The following LEFTY1 variants were observed in gnomAD, a reference collection of about 807,000 sequenced individuals.
LEFTY1 encodes left-right determination factor B.
Under a neutral mutation model 22.6 loss-of-function variants are expected in LEFTY1, and 18 were observed. That is an observed-to-expected ratio of 0.80 (90% CI 0.55 to 1.18). LEFTY1 has a LOEUF of 1.18. Among genes scored for constraint, LEFTY1 ranks in the 50% most tolerant of loss-of-function variants. LEFTY1 has a pLI of 0.00. For synonymous variants in LEFTY1, 201 were observed against 231.5 expected (o/e 0.87, Z 1.20); for missense variants, 414 against 495.4 (o/e 0.84, Z 1.56).
chr1:225,886,486 A>G lies in LEFTY1; in HGVS notation c.*241T>C. ...ATCTCCACATGTAAGTGCTTAGAATATAGTGCAGTGAATAATAAGAATAGA... is the reference window on the plus strand; with the variant it reads ...ATCTCCACATGTAAGTGCTTAGAATGTAGTGCAGTGAATAATAAGAATAGA... On this transcript the variant is annotated 3_prime_UTR_variant, in exon 4 of 4. Coordinates refer to ENST00000272134, the MANE Select transcript of LEFTY1 (RefSeq NM_020997.4). 1 of 678,578 alleles carries G rather than the reference A, an allele frequency of 1.5e-6. No homozygotes were observed. Among genetic ancestry groups the G allele is most frequent in the Non-Finnish European group, 2.4e-6 (1 of 417,960 alleles). The allele number at this position is 678,578 out of a possible 1,614,324, so 42.0% of individuals were successfully genotyped here.
rs1384533130 is a variant in LEFTY1 at position 225,887,927 on chromosome 1, C to T, written c.356G>A (p.Arg119Gln). ...PNSELVQAVL[R>Q]LFQEPVPKAA... ...CTTGGGGACCGGCTCCTGGAAGAGCCGCAGCACGGCCTGCACCAGCTCGCT... is the reference window on the plus strand; with the variant it reads ...CTTGGGGACCGGCTCCTGGAAGAGCTGCAGCACGGCCTGCACCAGCTCGCT... Residue 119 changes from arginine to glutamine, a missense_variant, in exon 2 of 4, where the codon CGG (arginine) becomes CAG (glutamine). Coordinates refer to ENST00000272134, the MANE Select transcript of LEFTY1 (RefSeq NM_020997.4). 6.1e-5 allele frequency: 94 copies of T among 1,547,748 alleles called. No homozygotes were observed. Among genetic ancestry groups the T allele is most frequent in the Non-Finnish European group, 8.0e-5 (93 of 1,155,810 alleles).
chr1:225,889,085 C>G lies in LEFTY1; in HGVS notation c.-19G>C, dbSNP rs767830531. 2 of 1,451,304 alleles carry G rather than the reference C, an allele frequency of 1.4e-6. No homozygotes were observed. Among genetic ancestry groups the G allele is most frequent in the African/African-American group, 2.8e-5 (2 of 70,408 alleles). The allele number at this position is 1,451,304 out of a possible 1,614,324, so 89.9% of individuals were successfully genotyped here. A position where few individuals can be genotyped will look rare whatever the true frequency, so the allele number is the denominator to read the frequency against. ...GCTGCATGGTGCTGCCCTGGAGGAG[C>G]AAGAGGCAGAGTGGGGCTGTCCCTT... On this transcript the variant is annotated 5_prime_UTR_variant, in exon 1 of 4. Transcript: ENST00000272134.
At chr1:225,888,055 C>T in intron 1 of LEFTY1, 23 bp from the exon 2 acceptor site, 1 of 1,589,980 alleles carries the variant, frequency 6.3e-7, no homozygotes, top group Non-Finnish European at 8.5e-7. Flanking sequence ...GCAGGGTCAG[C>T]AGGGCCTCCC....
At chr1:225,887,154 G>A (rs1478167319) in intron 3 of LEFTY1, 64 bp from the exon 4 acceptor site, 3 of 1,531,956 alleles carry the variant, frequency 2.0e-6, no homozygotes, top group African/African-American at 1.4e-5. Flanking sequence ...AGGGCGTCTG[G>A]GATGGAGATT....
chr1:225,887,736 C>T (rs533184951), intron 2 of LEFTY1, 50 bp downstream of exon 2: 1 of 1,570,696 alleles, frequency 6.4e-7, no homozygotes, highest in Non-Finnish European at 8.6e-7. Context: ...GCCCCCAAGC[C>T]GGGCCTAGCA....
chr1:225,887,305 A>G, intron 3 of LEFTY1, 94 bp downstream of exon 3: 1 of 1,580,638 alleles, frequency 6.3e-7, no homozygotes, highest in Non-Finnish European at 8.6e-7. Flanking sequence ...TGTCTCATTC[A>G]TTCCCACAGC....
Position 225,887,476 on chromosome 1 carries a change from G to A in LEFTY1, c.660C>T (p.Arg220=), listed in dbSNP as rs1671305082. 1 of 1,612,394 alleles carries A rather than the reference G, an allele frequency of 6.2e-7. No individual in the cohort carries two copies. The highest frequency in any genetic ancestry group is 1.3e-5 in the African/African-American group (1 of 74,932). ...CGGCTGGCGCCCCCTGCGAGGCAAA[G>A]CGGACCAGCTTGTGGGCGCCGGACG... ...PLASGAHKLV[R]FASQGAPAGL... Residue 220 remains arginine (R), a synonymous_variant, in exon 3 of 4, where the codon CGC becomes CGT. Coordinates refer to ENST00000272134, the MANE Select transcript of LEFTY1 (RefSeq NM_020997.4).
Position 225,889,118 on chromosome 1 carries a change from C to A in LEFTY1, c.-52G>T. ...AGAGTGGGGCTGTCCCTTGAGAAGG[C>A]TGCAGGAGGGTCTCAGGCAGCTGGA... On this transcript the variant is annotated 5_prime_UTR_variant, in exon 1 of 4. Transcript: ENST00000272134. The A allele has an allele frequency of 7.0e-7, 1 of 1,429,278 alleles. No individual in the cohort carries two copies. Among genetic ancestry groups the A allele is most frequent in the Non-Finnish European group, 9.1e-7 (1 of 1,095,346 alleles). The allele number at this position is 1,429,278 out of a possible 1,614,324, so 88.5% of individuals were successfully genotyped here.
At position 225,887,771 on chromosome 1, in the gene LEFTY1, C is replaced by T. The variant is rs1488553804; in HGVS notation, c.497+15G>A. The T allele has an allele frequency of 1.2e-5, 19 of 1,549,712 alleles. No individual in the cohort carries two copies. Among genetic ancestry groups the T allele is most frequent in the Non-Finnish European group, 1.6e-5 (18 of 1,151,582 alleles). ...AGCGCCCTCCCCCTACCCTGCGCGC[C>T]CCCGCGACCCCCACCTGGAGTCGAT... On this transcript the variant is annotated intron_variant, in intron 2 of 3. Coordinates refer to ENST00000272134, the MANE Select transcript of LEFTY1 (RefSeq NM_020997.4).
intron 1 of LEFTY1, 104 bp downstream of exon 1, chr1:225,888,713 C>T: frequency 2.0e-6 from 3 of 1,494,422 alleles, no homozygotes; most frequent in Non-Finnish European, 1.8e-6. Flanking sequence ...CCTCACTCAG[C>T]CTCCCACAGA....
chr1:225,887,604 A>C lies in LEFTY1; in HGVS notation c.532T>G (p.Phe178Val). 1 of 1,611,896 alleles carries C rather than the reference A, an allele frequency of 6.2e-7. No individual in the cohort carries two copies. The highest frequency in any genetic ancestry group is 8.5e-7 in the Non-Finnish European group (1 of 1,179,688). Residue 178 changes from phenylalanine (F) to valine (V), a missense_variant, in exon 3 of 4, where the codon TTC becomes GTC. Coordinates refer to ENST00000272134, the MANE Select transcript of LEFTY1 (RefSeq NM_020997.4). ...VSVHESGWKA[F>V]DVTEAVNFWQ... ...AAGTTCACGGCCTCGGTCACGTCGAAGGCCTTCCAGCCGCTCTCGTGGACG... is the reference window on the plus strand; with the variant it reads ...AAGTTCACGGCCTCGGTCACGTCGACGGCCTTCCAGCCGCTCTCGTGGACG...
At position 225,887,011 on chromosome 1, in the gene LEFTY1, G is replaced by A. The variant is rs772913469; in HGVS notation, c.817C>T (p.Gln273Ter). The A allele has an allele frequency of 1.9e-6, 3 of 1,606,706 alleles. No individual in the cohort carries two copies. The East Asian group carries it at 6.7e-5, about 36-fold the overall frequency. The change falls in exon 4 of 4, where the codon CAG becomes TAG. Residue 273 changes from glutamine (Q) to a stop codon, truncating the protein, a stop_gained. Transcript: ENST00000272134. LOFTEE classifies it low-confidence loss of function (END_TRUNC). ...CAGTTCTCGGCCCACTTCATCCCCTGCAGGTCAATGTACATCTCCTGGCGG... is the reference window on the plus strand; with the variant it reads ...CAGTTCTCGGCCCACTTCATCCCCTACAGGTCAATGTACATCTCCTGGCGG... Reference protein sequence around the residue: ...CCRQEMYIDLQGMKWAENWVL... With the variant: ...CCRQEMYIDL
Position 225,887,481 on chromosome 1 carries a change from C to G in LEFTY1, c.655G>C (p.Val219Leu). The G allele has an allele frequency of 1.2e-6, 2 of 1,612,426 alleles. No individual in the cohort carries two copies. Among genetic ancestry groups the G allele is most frequent in the South Asian group, 2.2e-5 (2 of 91,026 alleles). Reference sequence around the variant, plus strand: ...GGCGCCCCCTGCGAGGCAAAGCGGACCAGCTTGTGGGCGCCGGACGCCAGC... The same window carrying G: ...GGCGCCCCCTGCGAGGCAAAGCGGAGCAGCTTGTGGGCGCCGGACGCCAGC... ...GPLASGAHKL[V>L]RFASQGAPAG... The change falls in exon 3 of 4, where the codon GTC becomes CTC. Residue 219 changes from valine to leucine, a missense_variant. By Grantham distance (32) the Val-to-Leu change is conservative. Transcript: ENST00000272134.
chr1:225,887,768 C>T lies in LEFTY1; in HGVS notation c.497+18G>A. 1.3e-6 allele frequency: 2 copies of T among 1,547,602 alleles called. No homozygotes were observed. The highest frequency in any genetic ancestry group is 1.7e-6 in the Non-Finnish European group (2 of 1,149,416). The stretch of plus-strand genomic sequence containing the variant: ...AGCAGCGCCCTCCCCCTACCCTGCG[C>T]GCCCCCGCGACCCCCACCTGGAGTC... On this transcript the variant is annotated intron_variant, in intron 2 of 3. Coordinates refer to ENST00000272134, the MANE Select transcript of LEFTY1 (RefSeq NM_020997.4).
intron 2 of LEFTY1, 53 bp from the exon 3 acceptor site, chr1:225,887,691 G>A: frequency 1.2e-6 from 2 of 1,607,270 alleles, no homozygotes; most frequent in Non-Finnish European, 1.7e-6. Context: ...ACTGGGACGG[G>A]CCCCGAGGAC....
rs771713278 is a variant in LEFTY1, at chr1:225,889,021, C to T, written c.46G>A (p.Ala16Thr). The T allele has an allele frequency of 4.0e-6, 6 of 1,511,044 alleles. No individual in the cohort carries two copies. In the Admixed American group the frequency reaches 8.4e-5, roughly 21 times the overall value. The allele number at this position is 1,511,044 out of a possible 1,614,324, so 93.6% of individuals were successfully genotyped here. ...LCWALWVLPL[A>T]SPGAALTGEQ... The stretch of plus-strand genomic sequence containing the variant: ...CCGGTCAGGGCGGCCCCGGGGCTGG[C>T]CAGGGGCAACACCCAGAGTGCCCAG... The change falls in exon 1 of 4, where the codon GCC becomes ACC. Residue 16 changes from alanine to threonine, a missense_variant. Physicochemically the swap from Ala to Thr is moderately conservative, Grantham distance 58. Transcript: ENST00000272134.
chr1:225,886,775 G>A lies in LEFTY1; in HGVS notation c.1053C>T (p.Cys351=). 1 of 1,613,870 alleles carries A rather than the reference G, an allele frequency of 6.2e-7. No homozygotes were observed. Among genetic ancestry groups the A allele is most frequent in the Non-Finnish European group, 8.5e-7 (1 of 1,180,046 alleles). Residue 351 remains cysteine, a synonymous_variant, in exon 4 of 4, where the codon TGC becomes TGT. Transcript: ENST00000272134. ...VSLPNMRVQK[C]SCASDGALVP... is the part of the protein sequence containing the mutation. ...CGAGCGCACCATCCGAGGCACAGCT[G>A]CACTTCTGCACCCTCATGTTGGGCA...
In LEFTY1 at chr1:225,887,520, C is replaced by G. The variant is rs557471634; in HGVS notation, c.616G>C (p.Glu206Gln). 6.2e-6 allele frequency: 10 copies of G among 1,611,852 alleles called. No homozygotes were observed. The highest frequency in any genetic ancestry group is 8.5e-6 in the Non-Finnish European group (10 of 1,179,486). The change falls in exon 3 of 4, where the codon GAG becomes CAG. Residue 206 changes from glutamate to glutamine, a missense_variant. Around this residue, in one of 2 missense-constraint regions of LEFTY1, gnomAD observed 398 missense variants for 454.7 expected, o/e 0.88. Coordinates refer to ENST00000272134, the MANE Select transcript of LEFTY1 (RefSeq NM_020997.4). ...CCGGACGCCAGCGGGCCCAGATGCTCCCTCTGCACCGACACCTGTAGCAGC... is the reference window on the plus strand; with the variant it reads ...CCGGACGCCAGCGGGCCCAGATGCTGCCTCTGCACCGACACCTGTAGCAGC... ...PLLLQVSVQR[E>Q]HLGPLASGAH...
At chr1:225,887,357 G>C (rs200902294) in intron 3 of LEFTY1, 42 bp downstream of exon 3, 162 of 1,608,812 alleles carry the variant, frequency 1.0e-4, no homozygotes, top group Non-Finnish European at 1.4e-4. Flanking sequence ...GTAATTGCCT[G>C]TCTCTTTATT....
Sources: gnomAD v4.1 joint callset for allele counts on GRCh38, gnomAD v4.1.1 for gene constraint, gnomAD v4.1.1 regional missense constraint, MANE v1.5 for transcripts, NCBI Gene and HGNC (gene_info 2026-07-23, HGNC 2026-07-21) for gene names.